The following THNSL1 variants were observed in gnomAD, a reference collection of about 807,000 sequenced individuals.
THNSL1 encodes threonine synthase-like 1.
A neutral mutation model predicts 50.4 loss-of-function variants in THNSL1; 48 were observed. The observed-to-expected ratio is 0.95, with a 90% CI of 0.76 to 1.21. The LOEUF is 1.21. Among genes scored for constraint, THNSL1 ranks in the 50% most tolerant of loss-of-function variants. THNSL1 has a pLI of 0.00. For synonymous variants in THNSL1, 309 were observed against 306.1 expected (o/e 1.01, Z -0.10); for missense variants, 896 against 871.7 (o/e 1.03, Z -0.35).
At chr10:24,960,120 G>C in the THNSL1 span, among the ~76,000 whole-genome samples, 3 of 148,796 alleles carry the variant, frequency 2.0e-5, no homozygotes, top group Non-Finnish European at 3.0e-5. Context: ...TGAATAGCAA[G>C]AGAGATGAAA....
the THNSL1 span, among the ~76,000 whole-genome samples, chr10:24,993,292 T>A: frequency 6.6e-6 from 1 of 152,248 alleles, no homozygotes; most frequent in Non-Finnish European, 1.5e-5. Flanking sequence ...TATATTATAC[T>A]ATTCACTCTT....
chr10:24,990,749 A>G, the THNSL1 span: 3 of 855,200 alleles, frequency 3.5e-6, no homozygotes, highest in East Asian at 8.5e-5. Flanking sequence ...GACAAAATTC[A>G]GTGACTTTTT....
chr10:25,001,349 T>G, the THNSL1 span, among the ~76,000 whole-genome samples: 1 of 151,992 alleles, frequency 6.6e-6, no homozygotes, highest in Non-Finnish European at 1.5e-5. Flanking sequence ...TTAATAAATT[T>G]GATGGTAATG....
the THNSL1 span, chr10:24,990,450 G>A: frequency 6.2e-7 from 1 of 1,602,994 alleles, no homozygotes; most frequent in Non-Finnish European, 8.5e-7. Context: ...AATGTAAATG[G>A]CAGAACACAC....
chr10:24,973,616 A>T, the THNSL1 span, among the ~76,000 whole-genome samples: 2 of 152,136 alleles, frequency 1.3e-5, no homozygotes, highest in African/African-American at 2.4e-5. Flanking sequence ...CATGAAAAAA[A>T]TTATAAGAAT....
At position 25,024,507 on chromosome 10, in the gene THNSL1, A is replaced by G; in HGVS notation, c.1284A>G (p.Gly428=). Residue 428 remains glycine (G), a synonymous_variant, in exon 3 of 3, where the codon GGA becomes GGG. Coordinates refer to ENST00000376356, the MANE Select transcript of THNSL1 (RefSeq NM_024838.5). ...AQIIGSQREN[G]WAVGVESDFD... is the part of the protein sequence containing the mutation. The stretch of plus-strand genomic sequence containing the variant: ...TAATTGGCAGTCAGAGAGAAAATGG[A>G]TGGGCAGTGGGTGTTGAGTCAGATT... 2 of 1,614,202 alleles carry G rather than the reference A, an allele frequency of 1.2e-6. No homozygotes were observed. The highest frequency in any genetic ancestry group is 1.7e-6 in the Non-Finnish European group (2 of 1,180,024).
the THNSL1 span, among the ~76,000 whole-genome samples, chr10:24,991,473 G>A: frequency 2.0e-5 from 3 of 151,712 alleles, no homozygotes; most frequent in South Asian, 2.1e-4. Context: ...ATGGAAGAAC[G>A]TATAAGTGGA....
upstream of THNSL1, chr10:25,016,229 C>T: frequency 9.2e-7 from 1 of 1,087,436 alleles, no homozygotes; most frequent in Non-Finnish European, 1.1e-6. Flanking sequence ...GGTCTCCCCT[C>T]TTCCCTCTTT....
the THNSL1 span, among the ~76,000 whole-genome samples, chr10:24,972,522 A>AAT: frequency 0.017 from 2,574 of 150,094 alleles, 75 homozygotes; most frequent in African/African-American, 0.051. Flanking sequence ...AAAAAAAAAT[A>AAT]AATAATAATA....
the THNSL1 span, among the ~76,000 whole-genome samples, chr10:24,962,655 T>G: frequency 9.2e-5 from 14 of 152,348 alleles, no homozygotes; most frequent in South Asian, 4.1e-4. Context: ...ATTTGGCACT[T>G]GGTTTGAAGC....
At chr10:24,977,877 T>C in the THNSL1 span, among the ~76,000 whole-genome samples, 3 of 152,224 alleles carry the variant, frequency 2.0e-5, no homozygotes, top group Admixed American at 6.5e-5. Context: ...ATATTTTGTA[T>C]TCCAAAAGAA....
the THNSL1 span, among the ~76,000 whole-genome samples, chr10:24,988,795 T>A: frequency 1.4e-5 from 2 of 147,668 alleles, no homozygotes; most frequent in African/African-American, 5.0e-5. Context: ...ATAATGAGAC[T>A]GTTATTTTAT....
chr10:25,013,560 A>C (rs1167052982), upstream of THNSL1, among the ~76,000 whole-genome samples: 1 of 152,248 alleles, frequency 6.6e-6, no homozygotes, highest in Non-Finnish European at 1.5e-5. Context: ...TAATGGTTTC[A>C]TGGACTGTTC....
chr10:24,988,894 G>C, the THNSL1 span, among the ~76,000 whole-genome samples: 3 of 151,708 alleles, frequency 2.0e-5, no homozygotes, highest in African/African-American at 7.3e-5. Flanking sequence ...AAGGAAGTGT[G>C]GCTCAGGGCT....
At chr10:24,970,125 T>C in the THNSL1 span, among the ~76,000 whole-genome samples, 2 of 152,222 alleles carry the variant, frequency 1.3e-5, no homozygotes, top group African/African-American at 2.4e-5. Context: ...TCAATGTTTA[T>C]TGAAGGAGGG....
the THNSL1 span, among the ~76,000 whole-genome samples, chr10:25,005,958 G>T: frequency 6.6e-6 from 1 of 152,230 alleles, no homozygotes; most frequent in African/African-American, 2.4e-5. Context: ...CACTTGAAAT[G>T]TGGCTGGTGC....
At chr10:24,990,135 G>A in the THNSL1 span, among the ~76,000 whole-genome samples, 1 of 151,458 alleles carries the variant, frequency 6.6e-6, no homozygotes, top group East Asian at 1.9e-4. Context: ...CAAACTCAGG[G>A]GCATAAAAAT....
At chr10:24,968,257 T>A in the THNSL1 span, among the ~76,000 whole-genome samples, 2 of 152,108 alleles carry the variant, frequency 1.3e-5, no homozygotes, top group East Asian at 3.8e-4. Context: ...TTTTCCTTTG[T>A]CTCTGACATC....
chr10:24,979,093 T>C, the THNSL1 span, among the ~76,000 whole-genome samples: 3 of 152,164 alleles, frequency 2.0e-5, no homozygotes, highest in Non-Finnish European at 2.9e-5. Context: ...TCACCTGAGG[T>C]TTACTAAGAA....
Sources: allele counts gnomAD v4.1 joint callset (sites outside exome capture counted in the v4.1 genomes callset), GRCh38; gene constraint gnomAD v4.1.1; transcripts MANE v1.5; gene names NCBI Gene and HGNC (gene_info 2026-07-23, HGNC 2026-07-21).